ANKRD28: variants seen among roughly 807,000 people sequenced by gnomAD.
ANKRD28 encodes ankyrin repeat domain 28, also known as serine/threonine-protein phosphatase 6 regulatory ankyrin repeat subunit A.
A neutral mutation model predicts 126.5 loss-of-function variants in ANKRD28; 44 were observed. That is an observed-to-expected ratio of 0.35 (90% CI 0.27 to 0.45). ANKRD28 has a LOEUF of 0.45. ANKRD28 is among the 20% of genes least tolerant of loss of function. The pLI is 1.00. For missense variants in ANKRD28, 1,110 were observed against 1,316.6 expected (o/e 0.84, Z 2.43); for synonymous variants, 442 against 468.5 (o/e 0.94, Z 0.73).
At chr3:15,848,675 T>TAA (rs112915787) in intron 1 of ANKRD28, among the ~76,000 whole-genome samples, 2 of 142,624 alleles carry the variant, frequency 1.4e-5, no homozygotes, top group Non-Finnish European at 3.1e-5. Context: ...GACCTTAACT[T>TAA]AAAAAAAAAA....
chr3:15,859,580 C>CCCGCCGCCGCCTCCCCGGCCGCCCG (rs2061861520), exon 1 of ANKRD28: 1 of 222,778 alleles, frequency 4.5e-6, no homozygotes, highest in Non-Finnish European at 7.5e-6. Context: ...TCCCCGGCCG[C>CCCGCCGCCGCCTCCCCGGCCGCCCG]CCGCCGCCGC....
At chr3:15,685,202 T>C (rs762858808) in intron 21 of ANKRD28, 24 bp downstream of exon 21, 7 of 1,604,316 alleles carry the variant, frequency 4.4e-6, no homozygotes, top group African/African-American at 1.3e-5. Flanking sequence ...CACAATGATA[T>C]GCATTTGTGT....
At chr3:15,699,287 C>T (rs10428224) in intron 14 of ANKRD28, among the ~76,000 whole-genome samples, 2,570 of 152,208 alleles carry the variant, frequency 0.017, 70 homozygotes, top group African/African-American at 0.058. Flanking sequence ...CCATAAAAAA[C>T]CCTATTAGAA....
chr3:15,746,852 A>T (rs1197569058), intron 4 of ANKRD28, among the ~76,000 whole-genome samples: 3 of 152,168 alleles, frequency 2.0e-5, no homozygotes, highest in Admixed American at 1.3e-4. Flanking sequence ...GGCAATTTTT[A>T]AAATTATCAT....
intron 4 of ANKRD28, among the ~76,000 whole-genome samples, chr3:15,742,859 C>A (rs1159803908): frequency 6.8e-6 from 1 of 147,468 alleles, no homozygotes; most frequent in Non-Finnish European, 1.5e-5. Context: ...CCAGCCACCA[C>A]CCCGTCTGGG....
Position 15,815,525 on chromosome 3 carries a change from T to C in ANKRD28, c.28-20219A>G, listed in dbSNP as rs1239329543. Among the ~76,000 whole-genome samples the C allele has an allele frequency of 2.0e-5, 3 of 152,186 alleles. No individual in the cohort carries two copies. Among genetic ancestry groups the C allele is most frequent in the Non-Finnish European group, 4.4e-5 (3 of 68,016 alleles). On this transcript the variant is annotated intron_variant, in intron 1 of 27. Coordinates refer to the ANKRD28 transcript ENST00000399451. The surrounding 1 kb of genome is among the most constrained non-coding windows in gnomAD (Gnocchi z 4.1). Reference sequence around the variant, plus strand: ...GTTGCCTAGGCTGGTCTCAAACTCCTGGGCTCAAGCGATCCTCCTGCCTTG... The same window carrying C: ...GTTGCCTAGGCTGGTCTCAAACTCCCGGGCTCAAGCGATCCTCCTGCCTTG...
intron 3 of ANKRD28, among the ~76,000 whole-genome samples, chr3:15,763,720 G>A (rs902030365): frequency 3.3e-5 from 5 of 152,138 alleles, no homozygotes; most frequent in African/African-American, 1.2e-4. Context: ...AGCCAGTAGG[G>A]TTAGAGCAGA....
At position 15,675,892 on chromosome 3, in the gene ANKRD28, A is replaced by G. The variant is rs1234354295; in HGVS notation, c.2965+6T>C. On this transcript the variant is annotated splice_donor_region_variant and intron_variant, in intron 27 of 27. Coordinates refer to ENST00000683139, the MANE Select transcript of ANKRD28 (RefSeq NM_001349278.2). ...GTTAAGGGAAGAGAATATAGAACCA[A>G]CTTACCATTTTCATCTACTGCAAGC... The G allele has an allele frequency of 6.2e-7, 1 of 1,603,464 alleles. No individual in the cohort carries two copies. The highest frequency in any genetic ancestry group is 1.1e-5 in the South Asian group (1 of 90,184).
rs1028741335 is a variant in ANKRD28, at chr3:15,815,241, C to T, written c.28-19935G>A. ...ATTATGGAGCCATAATTCTCAAGTG[C>T]AATGACCTAGAAAGAACAAATGTCA... On this transcript the variant is annotated intron_variant, in intron 1 of 27. Transcript: ENST00000399451. This position sits in a 1 kb window ranked among gnomAD's most constrained non-coding sequence, Gnocchi z 4.1. Among the ~76,000 whole-genome samples the T allele has an allele frequency of 2.0e-5, 3 of 152,028 alleles. No homozygotes were observed. Among genetic ancestry groups the T allele is most frequent in the African/African-American group, 7.2e-5 (3 of 41,402 alleles).
rs1440128493 is a variant in ANKRD28, at chr3:15,816,175, A to G, written c.28-20869T>C. Among the ~76,000 whole-genome samples the G allele has an allele frequency of 6.6e-6, 1 of 152,220 alleles. No individual in the cohort carries two copies. The highest frequency in any genetic ancestry group is 1.5e-5 in the Non-Finnish European group (1 of 68,038). ...TGCTTATCAGGCAACATGTAATTGCAATGATTTTCATTGTATTAACTAAAA... is the reference window on the plus strand; with the variant it reads ...TGCTTATCAGGCAACATGTAATTGCGATGATTTTCATTGTATTAACTAAAA... On this transcript the variant is annotated intron_variant, in intron 1 of 27. Transcript: ENST00000399451. The surrounding 1 kb of genome is among the most constrained non-coding windows in gnomAD (Gnocchi z 5.0).
chr3:15,856,270 T>C (rs971528630), intron 1 of ANKRD28, among the ~76,000 whole-genome samples: 1 of 152,156 alleles, frequency 6.6e-6, no homozygotes, highest in African/African-American at 2.4e-5. Flanking sequence ...ACTAACATAC[T>C]TGTTGTTCTT....
chr3:15,676,212 T>C (rs1284675280), intron 26 of ANKRD28: 3 of 400,088 alleles, frequency 7.5e-6, no homozygotes, highest in African/African-American at 4.1e-5. Context: ...AGCTCAGCCA[T>C]AGGTCCCATC....
At chr3:15,791,811 C>T (rs1408214260) in intron 2 of ANKRD28, among the ~76,000 whole-genome samples, 2 of 152,118 alleles carry the variant, frequency 1.3e-5, no homozygotes, top group East Asian at 3.9e-4. Flanking sequence ...AGTGAAGAGA[C>T]AACCCACAGA....
chr3:15,677,408 G>C (rs2067056642), intron 25 of ANKRD28, 72 bp downstream of exon 25: 1 of 1,124,862 alleles, frequency 8.9e-7, no homozygotes, highest in Admixed American at 1.8e-5. Context: ...GTTCATTTTA[G>C]TGAAGTCAAA....
rs892107037 is a variant in ANKRD28 at position 15,714,636 on chromosome 3, T to C, written c.1017A>G (p.Pro339=). 6.3e-7 allele frequency: 1 copy of C among 1,597,640 alleles called. No homozygotes were observed. The highest frequency in any genetic ancestry group is 1.1e-5 in the South Asian group (1 of 87,676). The change falls in exon 9 of 28, where the codon CCA becomes CCG. Residue 339 remains proline, a synonymous_variant. Transcript: ENST00000683139. Reference sequence around the variant, plus strand: ...TACCGTGGAGAGCAGTCATGTGTAGTGGGGTTTTCCCATCTTTACTCTGGG... The same window carrying C: ...TACCGTGGAGAGCAGTCATGTGTAGCGGGGTTTTCCCATCTTTACTCTGGG... ...VNMKSKDGKT[P]LHMTALHGRF...
intron 1 of ANKRD28, among the ~76,000 whole-genome samples, chr3:15,827,103 G>T (rs2061083849): frequency 6.6e-6 from 1 of 152,120 alleles, no homozygotes; most frequent in African/African-American, 2.4e-5. Flanking sequence ...CTACCAAAAA[G>T]ATGAAAGAAA....
intron 1 of ANKRD28, among the ~76,000 whole-genome samples, chr3:15,850,224 T>TATATATATATATATAGAGAGAGAGAG (rs1418223588): frequency 1.4e-4 from 5 of 35,106 alleles, no homozygotes; most frequent in Non-Finnish European, 2.4e-4. Context: ...TATATATATA[T>TATATATATATATATAGAGAGAGAGAG]AGAGAGAGAG....
intron 3 of ANKRD28, among the ~76,000 whole-genome samples, chr3:15,762,214 C>A (rs12493852): frequency 0.1 from 5,095 of 50,086 alleles, 291 homozygotes; most frequent in African/African-American, 0.19. Context: ...AAAAAAAAAA[C>A]AAAACAAAAA....
intron 3 of ANKRD28, among the ~76,000 whole-genome samples, chr3:15,763,497 A>G (rs2125522196): frequency 6.6e-6 from 1 of 152,356 alleles, no homozygotes; most frequent in East Asian, 1.9e-4. Context: ...AACGACAGTA[A>G]ACAAGTAATT....
Sources: gnomAD v4.1 joint callset for allele counts (sites outside exome capture counted in the v4.1 genomes callset) on GRCh38, gnomAD v4.1.1 for gene constraint, Gnocchi (gnomAD v3.1) non-coding constraint, MANE v1.5 for transcripts, NCBI Gene and HGNC (gene_info 2026-07-23, HGNC 2026-07-21) for gene names.